Variants in ADGRG6 observed in about 807,000 individuals in gnomAD.
ADGRG6 encodes the protein adhesion G protein-coupled receptor G6.
In ADGRG6, 84 loss-of-function variants were observed where a neutral mutation model predicts 142.4. The ratio of observed to expected loss-of-function variants is 0.59; its 90% CI spans 0.49 to 0.71. The LOEUF (loss-of-function observed/expected upper bound fraction) is 0.71, where lower values mean the gene tolerates loss of function less well. Ranked by LOEUF, ADGRG6 falls within the 30% of genes least tolerant of loss-of-function variation. The probability of loss-of-function intolerance (pLI) is 0.00; values close to 1 mark genes in which losing one functional copy is unlikely to be tolerated. For missense variants in ADGRG6, 1,367 were observed against 1,466.6 expected (o/e 0.93, Z 1.11); for synonymous variants, 521 against 520.5 (o/e 1.00, Z -0.01).
At chr6:142,342,678 C>A (rs1264033084) in intron 2 of ADGRG6, among the ~76,000 whole-genome samples, 1 of 151,884 alleles carries the variant, frequency 6.6e-6, no homozygotes. Context: ...ACTTTGCTAA[C>A]CTTATAAGAT....
chr6:142,410,627 C>CTT (rs1236925590), intron 17 of ADGRG6, among the ~76,000 whole-genome samples: 2 of 152,084 alleles, frequency 1.3e-5, no homozygotes, highest in Admixed American at 6.6e-5. Flanking sequence ...GCAAAAACTT[C>CTT]TTTTTTTGAT....
At chr6:142,315,795 C>T (rs1016193229) in intron 2 of ADGRG6, among the ~76,000 whole-genome samples, 11 of 151,496 alleles carry the variant, frequency 7.3e-5, no homozygotes, top group African/African-American at 2.7e-4. Context: ...CGTGCTGTTG[C>T]ACTCTAGCCT....
chr6:142,370,813 C>CTTTTT lies in ADGRG6; in HGVS notation c.1069+33_1069+37dup. The CTTTTT allele has an allele frequency of 2.7e-6, 4 of 1,458,874 alleles. No individual in the cohort carries two copies. The highest frequency in any genetic ancestry group is 3.7e-6 in the Non-Finnish European group (4 of 1,079,900). 90.4% of individuals were successfully genotyped at this position (1,458,874 alleles called of 1,614,324 possible). A position where few individuals can be genotyped will look rare whatever the true frequency, so the allele number is the denominator to read the frequency against. On this transcript the variant is annotated intron_variant, in intron 4 of 24. Transcript: ENST00000367609. ...GCTGTGGTGAGTTTGTAGCGTATTC[C>CTTTTT]TTTTTTTTTTTTTTTTTAGCATTAT... is the stretch of plus-strand genomic sequence containing the variant.
At position 142,403,823 on chromosome 6, in the gene ADGRG6, A is replaced by G; in HGVS notation, c.1977A>G (p.Glu659=). Residue 659 remains glutamate (E), a synonymous_variant, in exon 14 of 25, where the codon GAA becomes GAG. Transcript: ENST00000367609. ...TTAGAGCTTTAAAAACAATTGATGA[A>G]TTGGCCTTCAAGATAGACCTAAATA... ...SSSEALKTID[E]LAFKIDLNST... The G allele has an allele frequency of 6.3e-7, 1 of 1,584,052 alleles. No individual in the cohort carries two copies. Among genetic ancestry groups the G allele is most frequent in the Non-Finnish European group, 8.5e-7 (1 of 1,170,372 alleles).
chr6:142,350,280 G>C (rs1780104357), intron 2 of ADGRG6, among the ~76,000 whole-genome samples: 1 of 152,202 alleles, frequency 6.6e-6, no homozygotes, highest in South Asian at 2.1e-4. Flanking sequence ...ATTTATCATA[G>C]TTGGGAAAAA....
At chr6:142,390,220 C>A in intron 6 of ADGRG6, 38 bp from the exon 7 acceptor site, 1 of 972,594 alleles carries the variant, frequency 1.0e-6, no homozygotes, top group Non-Finnish European at 1.6e-6. Context: ...TAACTATAAA[C>A]ATATAATTAA....
At chr6:142,427,968 T>A (rs1455069658) in intron 22 of ADGRG6, among the ~76,000 whole-genome samples, 1 of 152,172 alleles carries the variant, frequency 6.6e-6, no homozygotes, top group East Asian at 1.9e-4. Flanking sequence ...CAATTCAAGA[T>A]GAGATTTGGG....
intron 2 of ADGRG6, 101 bp downstream of exon 2, chr6:142,309,745 CT>C (rs66489806): frequency 0.15 from 72,454 of 478,702 alleles, 443 homozygotes; most frequent in East Asian, 0.3. Context: ...TACTTACTGC[CT>C]TTTTTTTTTT....
chr6:142,309,317 A>G lies in ADGRG6; in HGVS notation c.3-227A>G, dbSNP rs923621716. 2.0e-5 allele frequency among the ~76,000 whole-genome samples: 3 copies of G among 151,826 alleles called. No individual in the cohort carries two copies. The East Asian group carries it at 5.8e-4, about 29-fold the overall frequency. ...CTATTATATATATTTTGATAAGGAA[A>G]CTGCTACCATGTGGCAAATAAAATG... On this transcript the variant is annotated intron_variant, in intron 1 of 24. Coordinates refer to ENST00000367609, the MANE Select transcript of ADGRG6 (RefSeq NM_198569.3).
chr6:142,401,294 T>A (rs1377821239), intron 11 of ADGRG6, among the ~76,000 whole-genome samples: 1 of 152,220 alleles, frequency 6.6e-6, no homozygotes, highest in Admixed American at 6.5e-5. Context: ...CATCTCTTCC[T>A]GGCTGTGAGA....
At position 142,439,989 on chromosome 6, in the gene ADGRG6, A is replaced by G. The variant is rs562319738; in HGVS notation, c.3574+1625A>G. Among the ~76,000 whole-genome samples, 6 of 152,326 alleles carry G rather than the reference A, an allele frequency of 3.9e-5. 1 individual carries two copies. The highest frequency in any genetic ancestry group is 3.9e-4 in the Admixed American group (6 of 15,282). On this transcript the variant is annotated intron_variant, in intron 24 of 24. Coordinates refer to ENST00000367609, the MANE Select transcript of ADGRG6 (RefSeq NM_198569.3). ...TCCCCTTCTAAAATACAAATACTTA[A>G]TGCCTTATCAGTTATTAATGAATAG...
intron 2 of ADGRG6, among the ~76,000 whole-genome samples, chr6:142,328,395 G>A (rs1778884118): frequency 6.6e-6 from 1 of 152,076 alleles, no homozygotes; most frequent in African/African-American, 2.4e-5. Flanking sequence ...TAGAGATGGT[G>A]TTTCACCATG....
intron 22 of ADGRG6, among the ~76,000 whole-genome samples, chr6:142,420,921 T>C (rs995874789): frequency 6.6e-5 from 10 of 152,168 alleles, no homozygotes; most frequent in African/African-American, 2.4e-4. Flanking sequence ...GCCAACACTC[T>C]AAAAGAAATT....
chr6:142,325,280 C>T (rs1778716278), intron 2 of ADGRG6, among the ~76,000 whole-genome samples: 2 of 152,120 alleles, frequency 1.3e-5, no homozygotes, highest in South Asian at 4.1e-4. Context: ...CATAGCCCTC[C>T]ACTGTAATCA....
At chr6:142,358,934 A>G (rs764905954) in intron 2 of ADGRG6, among the ~76,000 whole-genome samples, 1 of 150,568 alleles carries the variant, frequency 6.6e-6, no homozygotes, top group Non-Finnish European at 1.5e-5. Flanking sequence ...GCAGTGGCTC[A>G]TGCCTGCATG....
At chr6:142,417,549 C>T (rs1776428562) in intron 21 of ADGRG6, among the ~76,000 whole-genome samples, 180 bp downstream of exon 21, 1 of 152,146 alleles carries the variant, frequency 6.6e-6, no homozygotes, top group African/African-American at 2.4e-5. Context: ...GTTTGAGACA[C>T]TTTTTCATAT....
At chr6:142,435,739 T>G (rs554364827) in intron 22 of ADGRG6, among the ~76,000 whole-genome samples, 1 of 152,082 alleles carries the variant, frequency 6.6e-6, no homozygotes, top group East Asian at 1.9e-4. Flanking sequence ...AAGGAATAAA[T>G]GAATAAATGA....
At chr6:142,373,819 C>T (rs1405992861) in intron 4 of ADGRG6, among the ~76,000 whole-genome samples, 2 of 151,558 alleles carry the variant, frequency 1.3e-5, no homozygotes, top group Admixed American at 6.6e-5. Context: ...GGTGGGATTA[C>T]AGGCATGAGG....
At chr6:142,377,007 G>A (rs1583058933) in intron 4 of ADGRG6, among the ~76,000 whole-genome samples, 1 of 152,150 alleles carries the variant, frequency 6.6e-6, no homozygotes, top group Admixed American at 6.5e-5. Flanking sequence ...GCATAATTTG[G>A]AAAGTACAAC....
Sources: gnomAD v4.1 joint callset for allele counts (sites outside exome capture counted in the v4.1 genomes callset) on GRCh38, gnomAD v4.1.1 for gene constraint, MANE v1.5 for transcripts, NCBI Gene and HGNC (gene_info 2026-07-23, HGNC 2026-07-21) for gene names.